The following SAMTOR variants were observed in gnomAD, a reference collection of about 807,000 sequenced individuals.
The protein encoded by SAMTOR is UPF0532 protein C7orf60.
the SAMTOR span, among the ~76,000 whole-genome samples, chr7:112,917,209 G>A: frequency 6.6e-6 from 1 of 152,156 alleles, no homozygotes; most frequent in African/African-American, 2.4e-5. Flanking sequence ...CCCCCAGTAG[G>A]GGCAGACTGA....
the SAMTOR span, among the ~76,000 whole-genome samples, chr7:112,852,941 A>T: frequency 6.2e-4 from 94 of 152,068 alleles, no homozygotes; most frequent in Non-Finnish European, 1.1e-3. Flanking sequence ...GTCACCGAGA[A>T]GCAAAAGACT....
At chr7:112,891,867 A>G in the SAMTOR span, among the ~76,000 whole-genome samples, 1 of 152,240 alleles carries the variant, frequency 6.6e-6, no homozygotes, top group African/African-American at 2.4e-5. Flanking sequence ...ACTGATTAGC[A>G]TGATGGTTGC....
the SAMTOR span, among the ~76,000 whole-genome samples, chr7:112,850,024 T>C: frequency 6.6e-6 from 1 of 152,110 alleles, no homozygotes; most frequent in African/African-American, 2.4e-5. Flanking sequence ...CTGACCAATG[T>C]GGAGAAACTC....
chr7:112,923,518 TAA>T, the SAMTOR span, among the ~76,000 whole-genome samples: 1 of 150,682 alleles, frequency 6.6e-6, no homozygotes, highest in South Asian at 2.1e-4. Flanking sequence ...AAACAAAAAA[TAA>T]AAAAAAATTA....
chr7:112,834,923 A>G, the SAMTOR span, among the ~76,000 whole-genome samples: 1 of 152,170 alleles, frequency 6.6e-6, no homozygotes, highest in Non-Finnish European at 1.5e-5. Context: ...TTTAAAAATT[A>G]TGTGAGTAAA....
chr7:112,903,773 G>A, the SAMTOR span, among the ~76,000 whole-genome samples: 1 of 152,200 alleles, frequency 6.6e-6, no homozygotes, highest in African/African-American at 2.4e-5. Flanking sequence ...GTGAGTCAAG[G>A]ATTTTCTATC....
chr7:112,884,651 G>C, the SAMTOR span, among the ~76,000 whole-genome samples: 1 of 152,178 alleles, frequency 6.6e-6, no homozygotes, highest in African/African-American at 2.4e-5. Flanking sequence ...CCACAGCCTT[G>C]GGCAGCTCCA....
chr7:112,869,964 G>A, the SAMTOR span, among the ~76,000 whole-genome samples: 1 of 152,170 alleles, frequency 6.6e-6, no homozygotes, highest in Non-Finnish European at 1.5e-5. Flanking sequence ...AAGAATTTCA[G>A]AGCTCAAAGA....
At chr7:112,840,261 T>C in the SAMTOR span, among the ~76,000 whole-genome samples, 1 of 152,060 alleles carries the variant, frequency 6.6e-6, no homozygotes, top group African/African-American at 2.4e-5. Context: ...TTTTGCTAAT[T>C]TGAAAATTTT....
chr7:112,868,492 C>T, the SAMTOR span, among the ~76,000 whole-genome samples: 2 of 152,148 alleles, frequency 1.3e-5, no homozygotes. Flanking sequence ...ATCTGTATAA[C>T]CCAGGCAAAG....
chr7:112,922,431 G>A, the SAMTOR span, among the ~76,000 whole-genome samples: 1 of 152,018 alleles, frequency 6.6e-6, no homozygotes, highest in African/African-American at 2.4e-5. Context: ...TCTGGGATGT[G>A]AGGAGCCCCT....
At chr7:112,890,174 A>G in the SAMTOR span, among the ~76,000 whole-genome samples, 1 of 152,286 alleles carries the variant, frequency 6.6e-6, no homozygotes, top group South Asian at 2.1e-4. Context: ...AAGAAAGTAA[A>G]AGGTGAGGCA....
At chr7:112,924,099 C>T in the SAMTOR span, among the ~76,000 whole-genome samples, 3 of 151,028 alleles carry the variant, frequency 2.0e-5, no homozygotes, top group African/African-American at 7.3e-5. Context: ...TGCTAAAGGA[C>T]GAGTTAATGG....
the SAMTOR span, among the ~76,000 whole-genome samples, chr7:112,917,957 C>G: frequency 9.0e-3 from 1,370 of 152,090 alleles, 26 homozygotes; most frequent in African/African-American, 0.031. Context: ...GTGAAAAGAC[C>G]AAATCTATGT....
chr7:112,926,658 C>T, the SAMTOR span, among the ~76,000 whole-genome samples: 3 of 152,038 alleles, frequency 2.0e-5, no homozygotes, highest in African/African-American at 7.2e-5. Context: ...GAAGATGCAC[C>T]TGTATATATT....
the SAMTOR span, among the ~76,000 whole-genome samples, chr7:112,852,371 T>C: frequency 6.6e-6 from 1 of 152,038 alleles, no homozygotes. Context: ...CAAATACATG[T>C]TCTAACCTGT....
the SAMTOR span, among the ~76,000 whole-genome samples, chr7:112,928,523 T>C: frequency 6.6e-6 from 1 of 152,000 alleles, no homozygotes; most frequent in African/African-American, 2.4e-5. Context: ...TGATTTACAA[T>C]TTGTATAAAT....
At chr7:112,881,967 C>T in the SAMTOR span, among the ~76,000 whole-genome samples, 1 of 152,244 alleles carries the variant, frequency 6.6e-6, no homozygotes, top group African/African-American at 2.4e-5. Context: ...GGAGCCCAGA[C>T]CAATTGGCTC....
At chr7:112,910,090 G>A in the SAMTOR span, among the ~76,000 whole-genome samples, 4 of 151,816 alleles carry the variant, frequency 2.6e-5, no homozygotes, top group Non-Finnish European at 1.5e-5. Context: ...CACAGGTGAC[G>A]TAAAACACAG....
Sources: allele counts gnomAD v4.1 joint callset (sites outside exome capture counted in the v4.1 genomes callset), GRCh38; gene constraint gnomAD v4.1.1; transcripts MANE v1.5; gene names NCBI Gene and HGNC (gene_info 2026-07-23, HGNC 2026-07-21).